The following SYN2 variants were observed in gnomAD, a reference collection of about 807,000 sequenced individuals.
SYN2 encodes the protein synapsin-2.
SYN2 carries 19 observed loss-of-function variants against 50.9 expected under a neutral mutation model. The observed-to-expected ratio is 0.37, with a 90% CI of 0.26 to 0.55. SYN2 has a LOEUF of 0.55. Among genes scored for constraint, SYN2 ranks in the 20% least tolerant of loss-of-function variants. SYN2 has a pLI of 0.81. For synonymous variants in SYN2, 255 were observed against 224.9 expected, an observed-to-expected ratio of 1.13 and a Z score of -1.20; for missense variants, 587 against 576.4, an observed-to-expected ratio of 1.02 and a Z score of -0.19.
intron 1 of SYN2, among the ~76,000 whole-genome samples, chr3:12,078,162 G>A (rs1695511396): frequency 6.6e-6 from 1 of 151,694 alleles, no homozygotes; most frequent in African/African-American, 2.4e-5. Flanking sequence ...TTTTAATGGG[G>A]TTGTTATTTT....
At chr3:12,162,814 G>A (rs147453400) in intron 7 of SYN2, among the ~76,000 whole-genome samples, 1,925 of 152,314 alleles carry the variant, frequency 0.013, 17 homozygotes, top group Middle Eastern at 0.034. Flanking sequence ...CATTTGCCAG[G>A]ATGGAAAGTT....
At chr3:12,062,899 A>AT (rs1695144590) in intron 1 of SYN2, among the ~76,000 whole-genome samples, 1 of 152,068 alleles carries the variant, frequency 6.6e-6, no homozygotes, top group Admixed American at 6.6e-5. Flanking sequence ...TTATTCAGTG[A>AT]TAAAAATAAA....
At chr3:12,007,169 A>C (rs191970466) in intron 1 of SYN2, among the ~76,000 whole-genome samples, 1 of 152,230 alleles carries the variant, frequency 6.6e-6, no homozygotes, top group Non-Finnish European at 1.5e-5. Context: ...TTTGGCATAA[A>C]CTAGAGAATT....
intron 1 of SYN2, among the ~76,000 whole-genome samples, chr3:12,088,623 T>A (rs1322089633): frequency 6.6e-6 from 1 of 151,914 alleles, no homozygotes; most frequent in African/African-American, 2.4e-5. Context: ...GTAACCAAGA[T>A]ATGGAAACAA....
chr3:12,008,922 T>C (rs1056257911), intron 1 of SYN2, among the ~76,000 whole-genome samples: 1 of 152,216 alleles, frequency 6.6e-6, no homozygotes, highest in African/African-American at 2.4e-5. Context: ...TGATGCGTTA[T>C]CTAGGCGGTA....
At chr3:12,189,256 A>G (rs1403262406) in intron 12 of SYN2, among the ~76,000 whole-genome samples, 4 of 152,278 alleles carry the variant, frequency 2.6e-5, no homozygotes, top group African/African-American at 9.6e-5. Context: ...GCCAGACCTC[A>G]TGTCCTCTCC....
chr3:12,145,921 T>G, intron 4 of SYN2, 86 bp downstream of exon 4: 1 of 1,567,008 alleles, frequency 6.4e-7, no homozygotes, highest in Non-Finnish European at 8.7e-7. Flanking sequence ...CAAGATGCAG[T>G]AGGCCCCAGC....
intron 1 of SYN2, among the ~76,000 whole-genome samples, chr3:12,119,341 CTTTA>C (rs1035009783): frequency 6.6e-6 from 1 of 152,180 alleles, no homozygotes; most frequent in Non-Finnish European, 1.5e-5. Context: ...TCCCATCTCA[CTTTA>C]TTTATGTGTC....
chr3:12,103,753 C>T (rs1696123132), intron 1 of SYN2, among the ~76,000 whole-genome samples: 1 of 152,108 alleles, frequency 6.6e-6, no homozygotes, highest in South Asian at 2.1e-4. Context: ...ATGTATAAAA[C>T]TTCCAAATCA....
intron 5 of SYN2, among the ~76,000 whole-genome samples, chr3:12,152,510 G>A (rs1000489010): frequency 2.0e-5 from 3 of 152,136 alleles, no homozygotes; most frequent in African/African-American, 7.2e-5. Context: ...TTTTCCTGCT[G>A]TAGCATCTAG....
intron 1 of SYN2, among the ~76,000 whole-genome samples, chr3:12,045,978 CATTT>C (rs1437206307): frequency 6.6e-6 from 1 of 152,158 alleles, no homozygotes; most frequent in Non-Finnish European, 1.5e-5. Flanking sequence ...ATTTACCAGA[CATTT>C]ATTCATTCTC....
At chr3:12,163,302 T>C (rs1289250953) in intron 7 of SYN2, among the ~76,000 whole-genome samples, 1 of 137,636 alleles carries the variant, frequency 7.3e-6, no homozygotes, top group Non-Finnish European at 1.7e-5. Flanking sequence ...AGAAAGAACA[T>C]TATTAATATA....
chr3:12,050,711 C>CTTTTTTTTTTTTT lies in SYN2; in HGVS notation c.377+45806_377+45818dup, dbSNP rs57099569. On this transcript the variant is annotated intron_variant, in intron 1 of 12. Transcript: ENST00000621198. ...AATAATCTCATCTTTCTTCTCTTCT[C>CTTTTTTTTTTTTT]TTTTTTTTTTTTTTTTTTTTTTTTT... Among the ~76,000 whole-genome samples the CTTTTTTTTTTTTT allele has an allele frequency of 1.9e-3, 95 of 50,578 alleles. 38 individuals are homozygous for CTTTTTTTTTTTTT. The highest frequency in any genetic ancestry group is 4.0e-3 in the Admixed American group (11 of 2,718). 33.2% of individuals were successfully genotyped at this position (50,578 alleles called of 152,430 possible).
intron 1 of SYN2, among the ~76,000 whole-genome samples, chr3:12,133,104 C>T (rs1696827714): frequency 6.6e-6 from 1 of 152,236 alleles, no homozygotes; most frequent in Admixed American, 6.5e-5. Context: ...TTTCCCCATG[C>T]ACTCTCTTCC....
At chr3:12,065,052 T>C (rs1387391936) in intron 1 of SYN2, among the ~76,000 whole-genome samples, 1 of 152,186 alleles carries the variant, frequency 6.6e-6, no homozygotes, top group Non-Finnish European at 1.5e-5. Context: ...AATTAAGTAC[T>C]GATACATGCT....
At chr3:12,122,037 T>G (rs1696572349) in intron 1 of SYN2, among the ~76,000 whole-genome samples, 1 of 152,180 alleles carries the variant, frequency 6.6e-6, no homozygotes, top group South Asian at 2.1e-4. Context: ...TAGGGTAACC[T>G]CCTTCATTTA....
intron 10 of SYN2, among the ~76,000 whole-genome samples, chr3:12,172,609 G>A (rs1057372295): frequency 5.9e-5 from 9 of 152,306 alleles, no homozygotes; most frequent in African/African-American, 1.9e-4. Flanking sequence ...GATTAACAAC[G>A]AGGAAAGCTC....
chr3:12,070,434 G>A (rs192801401), intron 1 of SYN2: 23 of 550,042 alleles, frequency 4.2e-5, no homozygotes, highest in South Asian at 3.5e-4. Flanking sequence ...TGAAGATTGG[G>A]ACTCTGACCC....
intron 3 of SYN2, 93 bp from the exon 4 acceptor site, chr3:12,145,584 CCT>C: frequency 7.1e-7 from 1 of 1,407,298 alleles, no homozygotes; most frequent in Non-Finnish European, 9.7e-7. Flanking sequence ...GTTCCTAAGC[CCT>C]CTTCTTTATC....
Sources: allele counts gnomAD v4.1 joint callset (sites outside exome capture counted in the v4.1 genomes callset), GRCh38; gene constraint gnomAD v4.1.1; transcripts MANE v1.5; gene names NCBI Gene and HGNC (gene_info 2026-07-23, HGNC 2026-07-21).